CTDP1: variants seen among roughly 807,000 people sequenced by gnomAD.
The protein encoded by CTDP1 is CTD phosphatase 1, also known as RNA polymerase II subunit A C-terminal domain phosphatase.
Under a neutral mutation model 91.8 loss-of-function variants are expected in CTDP1, and 47 were observed. The observed-to-expected ratio is 0.51, with a 90% CI of 0.41 to 0.65. CTDP1 has a LOEUF of 0.65. Among genes scored for constraint, CTDP1 ranks in the 30% least tolerant of loss-of-function variants. The pLI, the probability that CTDP1 is intolerant of heterozygous loss-of-function variation, is 0.00. For synonymous variants in CTDP1, 656 were observed against 598.5 expected, an observed-to-expected ratio of 1.10 and a Z score of -1.40; for missense variants, 1,272 against 1,373.7, an observed-to-expected ratio of 0.93 and a Z score of 1.17.
intron 4 of CTDP1, among the ~76,000 whole-genome samples, chr18:79,698,853 G>A (rs1176354446): frequency 1.3e-5 from 2 of 152,184 alleles, no homozygotes; most frequent in East Asian, 1.9e-4. Flanking sequence ...GGCATCCTCC[G>A]CTGCTGAATG....
rs551050961 is a variant in CTDP1 at position 79,681,480 on chromosome 18, C to T, written c.314+1219C>T. On this transcript the variant is annotated intron_variant, in intron 1 of 12. Coordinates refer to ENST00000613122, the MANE Select transcript of CTDP1 (RefSeq NM_004715.5). ...TCCCTACTGAGGTTTCATTCTGTTC[C>T]TCTGATTGTACAGAAAGGGCTGCTT... 2.1e-5 allele frequency: 21 copies of T among 985,442 alleles called. No individual in the cohort carries two copies. The Admixed American group carries it at 6.8e-4, about 32-fold the overall frequency. The allele number at this position is 985,442 out of a possible 1,614,324, so 61.0% of individuals were successfully genotyped here. A position where few individuals can be genotyped will look rare whatever the true frequency, so the allele number is the denominator to read the frequency against.
chr18:79,689,256 C>T (rs971593913), intron 1 of CTDP1, among the ~76,000 whole-genome samples: 1 of 152,154 alleles, frequency 6.6e-6, no homozygotes, highest in Non-Finnish European at 1.5e-5. Context: ...GTCCCAGAGC[C>T]TGCGTTTAGT....
In CTDP1 at chr18:79,736,385, G is replaced by C. The variant is rs1253542529; in HGVS notation, c.2611G>C (p.Asp871His). The C allele has an allele frequency of 6.5e-7, 1 of 1,548,712 alleles. No individual in the cohort carries two copies. ...CGACATCCTTGGAGAAGGCAGCGAC[G>C]ACAGCGACAGCGAGAAGAGGAGGCC... Reference protein sequence around the residue: ...VDDILGEGSDDSDSEKRRPEE... With the variant: ...VDDILGEGSDHSDSEKRRPEE... The change falls in exon 12 of 13, where the codon GAC (aspartate) becomes CAC (histidine). Residue 871 changes from aspartate to histidine, a missense_variant. Around this residue, in one of 3 missense-constraint regions of CTDP1, gnomAD observed 881 missense variants for 911.6 expected, o/e 0.97. Coordinates refer to ENST00000613122, the MANE Select transcript of CTDP1 (RefSeq NM_004715.5).
intron 4 of CTDP1, among the ~76,000 whole-genome samples, chr18:79,698,359 G>C (rs2085789362): frequency 6.6e-6 from 1 of 152,148 alleles, no homozygotes; most frequent in African/African-American, 2.4e-5. Flanking sequence ...CGTTGGTGTT[G>C]GATGCCTTTA....
chr18:79,734,762 G>A (rs113149617), intron 11 of CTDP1, among the ~76,000 whole-genome samples: 11 of 152,230 alleles, frequency 7.2e-5, no homozygotes, highest in African/African-American at 1.9e-4. Context: ...AATTATTCCC[G>A]TAGGAGATTT....
Position 79,754,267 on chromosome 18 carries a change from G to A in CTDP1, c.*477G>A, listed in dbSNP as rs1041518244. ...GCTCCCTCCTAGGGAACCCATTTCC[G>A]GGGAACGCCGTGACTGTCGGGCAGC... is the stretch of plus-strand genomic sequence containing the variant. On this transcript the variant is annotated 3_prime_UTR_variant, in exon 13 of 13. Transcript: ENST00000613122. 8.0e-5 allele frequency: 16 copies of A among 199,870 alleles called. No homozygotes were observed. The highest frequency in any genetic ancestry group is 1.3e-4 in the East Asian group (1 of 7,832). 12.4% of individuals were successfully genotyped at this position (199,870 alleles called of 1,614,324 possible). A position where few individuals can be genotyped will look rare whatever the true frequency, so the allele number is the denominator to read the frequency against.
upstream of CTDP1, chr18:79,679,213 T>A: frequency 2.9e-6 from 1 of 343,870 alleles, no homozygotes; most frequent in Middle Eastern, 1.1e-3. Flanking sequence ...CACCTGCCCC[T>A]GCGCTTCCGC....
chr18:79,700,000 C>T (rs2085825126), intron 4 of CTDP1, among the ~76,000 whole-genome samples: 1 of 152,090 alleles, frequency 6.6e-6, no homozygotes, highest in African/African-American at 2.4e-5. Context: ...TCTTTGAGGT[C>T]ACTGTTGTCA....
chr18:79,753,616 C>T, intron 12 of CTDP1, 36 bp from the exon 13 acceptor site: 5 of 1,613,984 alleles, frequency 3.1e-6, no homozygotes, highest in Non-Finnish European at 3.4e-6. Context: ...TGTGCGTTTG[C>T]CACAAGCATC....
In CTDP1 at chr18:79,679,954, G is replaced by A. The variant is rs1055862470; in HGVS notation, c.7G>A (p.Val3Met). 9.4e-6 allele frequency: 13 copies of A among 1,382,746 alleles called. No homozygotes were observed. Among genetic ancestry groups the A allele is most frequent in the Non-Finnish European group, 1.2e-5 (13 of 1,063,532 alleles). The allele number at this position is 1,382,746 out of a possible 1,614,324, so 85.7% of individuals were successfully genotyped here. A position where few individuals can be genotyped will look rare whatever the true frequency, so the allele number is the denominator to read the frequency against. The change falls in exon 1 of 13, where the codon GTG becomes ATG. Residue 3 changes from valine to methionine, a missense_variant. Val to Met is a conservative substitution (Grantham distance 21, BLOSUM62 1). This residue lies in a region of CTDP1 where 214 missense variants were observed against 179.1 expected (regional missense o/e 1.19). Transcript: ENST00000613122. Reference protein sequence around the residue: MEVPAAGRVPAEG... With the variant: MEMPAAGRVPAEG... ...CGCCCGCCCTCTGTCCGCGATGGAG[G>A]TGCCGGCCGCGGGTCGCGTTCCTGC...
chr18:79,680,331 C>A, intron 1 of CTDP1, 70 bp downstream of exon 1: 1 of 1,193,230 alleles, frequency 8.4e-7, no homozygotes, highest in Non-Finnish European at 1.1e-6. Flanking sequence ...GACCCCCGGG[C>A]TGCTGCGTCC....
chr18:79,756,292 C>T (rs1038652440), downstream of CTDP1: 1 of 152,374 alleles, frequency 6.6e-6, no homozygotes, highest in African/African-American at 2.4e-5. Flanking sequence ...GTCCTCGGCT[C>T]CAGCCTCCAT....
chr18:79,699,791 C>T (rs990697580), intron 4 of CTDP1, among the ~76,000 whole-genome samples: 3 of 152,102 alleles, frequency 2.0e-5, no homozygotes, highest in Non-Finnish European at 2.9e-5. Flanking sequence ...AGCAACCTGG[C>T]GAGCACGTCT....
intron 3 of CTDP1, among the ~76,000 whole-genome samples, chr18:79,697,426 T>G (rs113908104): frequency 0.019 from 2,910 of 152,332 alleles, 103 homozygotes; most frequent in African/African-American, 0.066. Flanking sequence ...GGCACAAGAA[T>G]AGGCTGAGCG....
intron 1 of CTDP1, among the ~76,000 whole-genome samples, chr18:79,684,920 TGAG>T (rs2085453926): frequency 1.5e-5 from 2 of 134,768 alleles, no homozygotes; most frequent in Non-Finnish European, 3.3e-5. Context: ...GAGGTCCTGG[TGAG>T]GAGGACGGTG....
At chr18:79,693,112 C>T (rs1228521624) in intron 1 of CTDP1, among the ~76,000 whole-genome samples, 1 of 152,198 alleles carries the variant, frequency 6.6e-6, no homozygotes, top group Non-Finnish European at 1.5e-5. Context: ...GGGACACAGA[C>T]TCCTGGGCGG....
intron 1 of CTDP1, chr18:79,685,715 T>C (rs903450596): frequency 1.3e-5 from 2 of 152,228 alleles, no homozygotes; most frequent in Non-Finnish European, 1.5e-5. Flanking sequence ...TGTTCTGTGA[T>C]GAGGGAGTAG....
At chr18:79,725,681 G>A (rs760174152) in intron 10 of CTDP1, among the ~76,000 whole-genome samples, 3 of 151,960 alleles carry the variant, frequency 2.0e-5, no homozygotes, top group South Asian at 2.1e-4. Context: ...CCGTCCTCAC[G>A]GGAGGTTCCC....
At chr18:79,711,405 G>C (rs1056142689) in intron 6 of CTDP1, among the ~76,000 whole-genome samples, 1 of 152,154 alleles carries the variant, frequency 6.6e-6, no homozygotes, top group African/African-American at 2.4e-5. Context: ...GAGTATCCAG[G>C]GAATGGCCAG....
Sources: gnomAD v4.1 joint callset for allele counts (sites outside exome capture counted in the v4.1 genomes callset) on GRCh38, gnomAD v4.1.1 for gene constraint, gnomAD v4.1.1 regional missense constraint, MANE v1.5 for transcripts, NCBI Gene and HGNC (gene_info 2026-07-23, HGNC 2026-07-21) for gene names.